RGS3: variants seen among roughly 807,000 people sequenced by gnomAD.
RGS3 encodes the protein regulator of G-protein signalling 3.
Under a neutral mutation model 132.6 loss-of-function variants are expected in RGS3, and 80 were observed. The ratio of observed to expected loss-of-function variants is 0.60; its 90% CI spans 0.50 to 0.73. The LOEUF is 0.73. Among genes scored for constraint, RGS3 ranks in the 30% least tolerant of loss-of-function variants. The pLI, the probability that RGS3 is intolerant of heterozygous loss-of-function variation, is 0.00. For missense variants in RGS3, 1,382 were observed against 1,530.8 expected, an observed-to-expected ratio of 0.90 and a Z score of 1.62; for synonymous variants, 598 against 620.6, an observed-to-expected ratio of 0.96 and a Z score of 0.54.
chr9:113,553,441 T>TAAAAAAAAA (rs66536651), intron 19 of RGS3, among the ~76,000 whole-genome samples: 243 of 20,366 alleles, frequency 0.012, 11 homozygotes, highest in African/African-American at 0.018. Flanking sequence ...AAACTCTGTT[T>TAAAAAAAAA]AAAAAAAAAA....
At chr9:113,510,571 G>A (rs1483324958) in intron 14 of RGS3, among the ~76,000 whole-genome samples, 1 of 152,192 alleles carries the variant, frequency 6.6e-6, no homozygotes, top group Admixed American at 6.5e-5. Context: ...GTGGGCCCAT[G>A]CACACAGGCT....
At chr9:113,486,135 T>C (rs1830325563) in intron 7 of RGS3, among the ~76,000 whole-genome samples, 2 of 152,240 alleles carry the variant, frequency 1.3e-5, no homozygotes, top group African/African-American at 4.8e-5. Context: ...TAGATGTTTA[T>C]TAGATATTGG....
At chr9:113,503,735 C>G (rs1410850124) in intron 10 of RGS3, among the ~76,000 whole-genome samples, 1 of 152,116 alleles carries the variant, frequency 6.6e-6, no homozygotes, top group Non-Finnish European at 1.5e-5. Flanking sequence ...CTTTGGGACC[C>G]CAGCTTGTGC....
chr9:113,551,127 C>G (rs1264259144), intron 19 of RGS3, among the ~76,000 whole-genome samples: 2 of 152,162 alleles, frequency 1.3e-5, no homozygotes, highest in African/African-American at 4.8e-5. Context: ...TCCATTATTT[C>G]CCCCATCTCC....
chr9:113,584,046 T>C (rs757981399), exon 20 of RGS3: 1 of 1,612,932 alleles, frequency 6.2e-7, no homozygotes, highest in Non-Finnish European at 8.5e-7. Context: ...GCTCGGGAGA[T>C]GAGGAGGATG....
At chr9:113,547,528 G>A (rs1833166969) in intron 19 of RGS3, among the ~76,000 whole-genome samples, 2 of 152,136 alleles carry the variant, frequency 1.3e-5, no homozygotes, top group Admixed American at 1.3e-4. Context: ...GAACTCTTTT[G>A]TTTCAACTTC....
In RGS3 at chr9:113,507,993, T is replaced by C. The variant is rs1350356150; in HGVS notation, c.1437+355T>C. Among the ~76,000 whole-genome samples, 1 of 152,156 alleles carries C rather than the reference T, an allele frequency of 6.6e-6. No individual in the cohort carries two copies. The highest frequency in any genetic ancestry group is 2.4e-5 in the African/African-American group (1 of 41,438). On this transcript the variant is annotated intron_variant, in intron 13 of 24. Coordinates refer to ENST00000350696, the Ensembl canonical transcript of RGS3. This position sits in a 1 kb window ranked among gnomAD's most constrained non-coding sequence, Gnocchi z 5.0. ...GGTATGAAAGCAGACACTGCATGAT[T>C]GCATGGTGGGATGATGGAGTGCGCT...
In RGS3 at chr9:113,565,164, G is replaced by T; in HGVS notation, c.2038-18286G>T. ...GCCACAGGGGACCCACAGCCTATGC[G>T]TGTGAGCATGTAACCCGGGAGCCAG... On this transcript the variant is annotated intron_variant, in intron 19 of 24. Transcript: ENST00000350696. The surrounding 1 kb of genome is among the most constrained non-coding windows in gnomAD (Gnocchi z 5.7). 1 of 1,223,988 alleles carries T rather than the reference G, an allele frequency of 8.2e-7. No individual in the cohort carries two copies. The highest frequency in any genetic ancestry group is 1.0e-6 in the Non-Finnish European group (1 of 957,194). 75.8% of individuals were successfully genotyped at this position (1,223,988 alleles called of 1,614,324 possible). A position where few individuals can be genotyped will look rare whatever the true frequency, so the allele number is the denominator to read the frequency against.
intron 18 of RGS3, chr9:113,536,504 A>T: frequency 9.2e-7 from 1 of 1,090,950 alleles, no homozygotes; most frequent in Non-Finnish European, 1.1e-6. Context: ...GGGTGACCTC[A>T]TCGGCTCTGT....
At chr9:113,511,393 T>C (rs1831392324) in intron 14 of RGS3, among the ~76,000 whole-genome samples, 1 of 150,432 alleles carries the variant, frequency 6.6e-6, no homozygotes, top group East Asian at 1.9e-4. Flanking sequence ...TTGCAAGCTG[T>C]ACTGTTCTAA....
At chr9:113,511,976 G>A (rs1022236605) in intron 14 of RGS3, among the ~76,000 whole-genome samples, 1 of 152,082 alleles carries the variant, frequency 6.6e-6, no homozygotes, top group African/African-American at 2.4e-5. Context: ...TGGAGGCTTA[G>A]GATTTGTGAT....
chr9:113,483,796 T>A (rs1439262687), intron 5 of RGS3, among the ~76,000 whole-genome samples: 1 of 152,196 alleles, frequency 6.6e-6, no homozygotes, highest in East Asian at 1.9e-4. Flanking sequence ...ACTCAGCAGC[T>A]GCTGGGACCT....
chr9:113,495,724 A>G, intron 7 of RGS3, 62 bp from the exon 6 acceptor site: 1 of 1,379,120 alleles, frequency 7.3e-7, no homozygotes, highest in Non-Finnish European at 1.0e-6. Flanking sequence ...TATACTTGAT[A>G]ATGGACCTCC....
chr9:113,517,484 C>T (rs1482034786), intron 15 of RGS3, 57 bp from the exon 14 acceptor site: 8 of 1,431,280 alleles, frequency 5.6e-6, no homozygotes, highest in African/African-American at 1.4e-5. Context: ...GCTTCCTCCC[C>T]CCGGGTCCTC....
exon 25 of RGS3, chr9:113,597,588 G>C (rs1444822483): frequency 1.3e-5 from 2 of 152,594 alleles, no homozygotes; most frequent in African/African-American, 4.8e-5. Flanking sequence ...AAGGCAGCCT[G>C]GGGGGACACT....
intron 19 of RGS3, among the ~76,000 whole-genome samples, chr9:113,557,007 C>T (rs1833595552): frequency 6.6e-6 from 1 of 152,254 alleles, no homozygotes; most frequent in African/African-American, 2.4e-5. Context: ...CACACGCAGT[C>T]ACCTTCACAC....
At chr9:113,471,299 C>T (rs1483999091) in intron 3 of RGS3, among the ~76,000 whole-genome samples, 1 of 152,026 alleles carries the variant, frequency 6.6e-6, no homozygotes, top group Admixed American at 6.6e-5. Context: ...CCCTGAGAAG[C>T]AGGCAGAAAC....
chr9:113,474,470 G>A (rs912494566), intron 3 of RGS3, among the ~76,000 whole-genome samples: 12 of 152,330 alleles, frequency 7.9e-5, no homozygotes, highest in African/African-American at 2.9e-4. Flanking sequence ...GTAAACACAT[G>A]CTTAACCATT....
intron 17 of RGS3, among the ~76,000 whole-genome samples, chr9:113,525,130 G>A (rs899425361): frequency 6.6e-6 from 1 of 152,144 alleles, no homozygotes; most frequent in African/African-American, 2.4e-5. Context: ...TGGGAGAGGG[G>A]CCTGTGTGTG....
Sources: gnomAD v4.1 joint callset for allele counts (sites outside exome capture counted in the v4.1 genomes callset) on GRCh38, gnomAD v4.1.1 for gene constraint, Gnocchi (gnomAD v3.1) non-coding constraint, MANE v1.5 for transcripts, NCBI Gene and HGNC (gene_info 2026-07-23, HGNC 2026-07-21) for gene names.